SLC2A1: variants seen among roughly 807,000 people sequenced by gnomAD.
The protein encoded by SLC2A1 is solute carrier family 2 member 1.
SLC2A1 carries 4 observed loss-of-function variants against 46.6 expected under a neutral mutation model. The ratio of observed to expected loss-of-function variants is 0.09; its 90% CI spans 0.04 to 0.20. The LOEUF (loss-of-function observed/expected upper bound fraction) is 0.20, where lower values mean the gene tolerates loss of function less well. Ranked by LOEUF, SLC2A1 falls within the 10% of genes least tolerant of loss-of-function variation. SLC2A1 has a pLI of 1.00. For missense variants in SLC2A1, 352 were observed against 667.0 expected (o/e 0.53, Z 5.20); for synonymous variants, 253 against 270.0 (o/e 0.94, Z 0.62).
chr1:42,956,630 C>T (rs1643780202), intron 1 of SLC2A1, among the ~76,000 whole-genome samples: 1 of 151,984 alleles, frequency 6.6e-6, no homozygotes, highest in Non-Finnish European at 1.5e-5. Flanking sequence ...TACAGATACA[C>T]CACTGTGAAA....
chr1:42,933,008 G>GTCCTAGCTCCACCCCTTATT (rs1553156320), intron 2 of SLC2A1, among the ~76,000 whole-genome samples: 3 of 152,188 alleles, frequency 2.0e-5, no homozygotes, highest in Non-Finnish European at 2.9e-5. Flanking sequence ...CTAAATTCAG[G>GTCCTAGCTCCACCCCTTATT]TCCTAGCTCC....
chr1:42,949,576 T>C (rs1643699020), intron 1 of SLC2A1, among the ~76,000 whole-genome samples: 1 of 152,166 alleles, frequency 6.6e-6, no homozygotes, highest in African/African-American at 2.4e-5. Context: ...ATCAAGACCC[T>C]TGCATGACTG....
intron 1 of SLC2A1, among the ~76,000 whole-genome samples, chr1:42,946,912 A>G (rs1230512511): frequency 6.6e-6 from 1 of 152,216 alleles, no homozygotes; most frequent in Non-Finnish European, 1.5e-5. Flanking sequence ...AGTTGGATAC[A>G]AGGCAGCCCT....
At chr1:42,948,044 G>T (rs909139643) in intron 1 of SLC2A1, among the ~76,000 whole-genome samples, 18 of 152,124 alleles carry the variant, frequency 1.2e-4, no homozygotes, top group African/African-American at 4.1e-4. Context: ...GGAGAGTCAT[G>T]GCCTCCCAGC....
rs1643474945 is a variant in SLC2A1, at chr1:42,930,297, C to T, written c.517-262G>A. 1 of 624,712 alleles carries T rather than the reference C, an allele frequency of 1.6e-6. No individual in the cohort carries two copies. Among genetic ancestry groups the T allele is most frequent in the African/African-American group, 1.8e-5 (1 of 54,476 alleles). 38.7% of individuals were successfully genotyped at this position (624,712 alleles called of 1,614,324 possible). ...AGCACAGAGAATGGGGGCTGCTACTCTGCCACAAGAGGGTTTTGGGGACAG... is the reference window on the plus strand; with the variant it reads ...AGCACAGAGAATGGGGGCTGCTACTTTGCCACAAGAGGGTTTTGGGGACAG... On this transcript the variant is annotated intron_variant, in intron 4 of 9. Transcript: ENST00000426263. This position sits in a 1 kb window ranked among gnomAD's most constrained non-coding sequence, Gnocchi z 6.2.
intron 1 of SLC2A1, chr1:42,951,997 C>T (rs1282664110): frequency 9.7e-6 from 4 of 411,228 alleles, no homozygotes; most frequent in African/African-American, 2.0e-5. Context: ...TGGGAGGGGG[C>T]ATCCTCACTG....
At chr1:42,957,604 G>C (rs1220573154) in intron 1 of SLC2A1, among the ~76,000 whole-genome samples, 1 of 152,192 alleles carries the variant, frequency 6.6e-6, no homozygotes, top group Non-Finnish European at 1.5e-5. Context: ...TTGTAGACTA[G>C]GGGGAGGAAA....
At chr1:42,935,268 C>T (rs1309230585) in intron 2 of SLC2A1, among the ~76,000 whole-genome samples, 2 of 152,110 alleles carry the variant, frequency 1.3e-5, no homozygotes, top group African/African-American at 2.4e-5. Context: ...TCCTTTGAAC[C>T]GGATGGCTTC....
chr1:42,958,497 G>A (rs1643805369), intron 1 of SLC2A1, 137 bp downstream of exon 1: 2 of 531,070 alleles, frequency 3.8e-6, no homozygotes, highest in African/African-American at 4.1e-5. Flanking sequence ...CCCGCACCGA[G>A]CCAGGCTCGG....
chr1:42,956,407 CAAAAAAAAAAAAAAAAAAAAA>C (rs71577684), intron 1 of SLC2A1, among the ~76,000 whole-genome samples: 2 of 44,506 alleles, frequency 4.5e-5, no homozygotes, highest in African/African-American at 2.1e-4. Flanking sequence ...ACTAAAACTA[CAAAAAAAAAAAAAAAAAAAAA>C]AAAAACATTA....
rs1209368509 is a variant in SLC2A1 at position 42,954,837 on chromosome 1, G to C, written c.18+3797C>G. ...GAGGACCCTTGGAGTTAATGGACAT[G>C]AATGTCCCTTTCAAACTATCCCAAG... On this transcript the variant is annotated intron_variant, in intron 1 of 9. Coordinates refer to ENST00000426263, the MANE Select transcript of SLC2A1 (RefSeq NM_006516.4). The surrounding 1 kb of genome is among the most constrained non-coding windows in gnomAD (Gnocchi z 4.2). Among the ~76,000 whole-genome samples, 2 of 152,200 alleles carry C rather than the reference G, an allele frequency of 1.3e-5. No homozygotes were observed. Among genetic ancestry groups the C allele is most frequent in the African/African-American group, 4.8e-5 (2 of 41,448 alleles).
rs773162318 is a variant in SLC2A1 at position 42,927,931 on chromosome 1, T to C, written c.1075-123A>G. ...AAGGCAGGAAGCCTGGGGATGGTCC[T>C]GGATTTGTTGTGTATCCAGCATTGG... On this transcript the variant is annotated intron_variant, in intron 8 of 9. Coordinates refer to ENST00000426263, the MANE Select transcript of SLC2A1 (RefSeq NM_006516.4). The surrounding 1 kb of genome is among the most constrained non-coding windows in gnomAD (Gnocchi z 5.3). 1.0e-5 allele frequency: 8 copies of C among 774,352 alleles called. No individual in the cohort carries two copies. In the Admixed American group the frequency reaches 1.2e-4, roughly 12 times the overall value. The allele number at this position is 774,352 out of a possible 1,614,324, so 48.0% of individuals were successfully genotyped here.
At position 42,930,546 on chromosome 1, in the gene SLC2A1, C is replaced by T. The variant is rs752146304; in HGVS notation, c.516+80G>A. ...GGGGCTGGGCGGAAGAGAAACTCTGCCCTGCTGGGCACAGATCCGAGAGCC... is the reference window on the plus strand; with the variant it reads ...GGGGCTGGGCGGAAGAGAAACTCTGTCCTGCTGGGCACAGATCCGAGAGCC... On this transcript the variant is annotated intron_variant, in intron 4 of 9. Transcript: ENST00000426263. The surrounding 1 kb of genome is among the most constrained non-coding windows in gnomAD (Gnocchi z 6.2). The T allele has an allele frequency of 6.3e-7, 1 of 1,584,740 alleles. No individual in the cohort carries two copies. Among genetic ancestry groups the T allele is most frequent in the Non-Finnish European group, 8.6e-7 (1 of 1,161,390 alleles).
intron 1 of SLC2A1, among the ~76,000 whole-genome samples, chr1:42,956,240 C>T (rs1266475572): frequency 6.6e-6 from 1 of 152,056 alleles, no homozygotes; most frequent in African/African-American, 2.4e-5. Context: ...TAGTATCAAA[C>T]TGCATGTGCA....
intron 1 of SLC2A1, among the ~76,000 whole-genome samples, chr1:42,956,988 AC>A (rs1185254749): frequency 6.6e-6 from 1 of 152,224 alleles, no homozygotes; most frequent in African/African-American, 2.4e-5. Context: ...TTGGCTAAGA[AC>A]CTGCTGATTT....
At position 42,927,256 on chromosome 1, in the gene SLC2A1, G is replaced by A. The variant is rs1479709580; in HGVS notation, c.1279-15C>T. On this transcript the variant is annotated splice_polypyrimidine_tract_variant and intron_variant, in intron 9 of 9. Transcript: ENST00000426263. This position sits in a 1 kb window ranked among gnomAD's most constrained non-coding sequence, Gnocchi z 5.3. ...CCACACAGTTGCTGAAAGACACACA[G>A]ACACACTTGGTTGGAGTCATGACCC... 6.2e-7 allele frequency: 1 copy of A among 1,612,674 alleles called. No homozygotes were observed. The highest frequency in any genetic ancestry group is 8.5e-7 in the Non-Finnish European group (1 of 1,179,052).
intron 1 of SLC2A1, among the ~76,000 whole-genome samples, chr1:42,950,790 T>C (rs1643712237): frequency 6.6e-6 from 1 of 152,110 alleles, no homozygotes; most frequent in Non-Finnish European, 1.5e-5. Context: ...CTGACCAACA[T>C]GGTGAAACCC....
At chr1:42,942,910 T>G in intron 2 of SLC2A1, 1 of 417,114 alleles carries the variant, frequency 2.4e-6, no homozygotes, top group Non-Finnish European at 4.5e-6. Context: ...ATTATTGTAT[T>G]GAGCTTTGCT....
At chr1:42,938,048 C>T (rs1643559780) in intron 2 of SLC2A1, among the ~76,000 whole-genome samples, 2 of 152,186 alleles carry the variant, frequency 1.3e-5, no homozygotes, top group Admixed American at 6.5e-5. Context: ...GCCTTATTCT[C>T]AGACATGCCT....
Sources: allele counts gnomAD v4.1 joint callset (sites outside exome capture counted in the v4.1 genomes callset), GRCh38; gene constraint gnomAD v4.1.1; non-coding constraint Gnocchi (gnomAD v3.1); transcripts MANE v1.5; gene names NCBI Gene and HGNC (gene_info 2026-07-23, HGNC 2026-07-21).